Variants in SORBS2 observed in about 807,000 individuals in gnomAD.
SORBS2 encodes the protein sorbin and SH3 domain containing 2, also known as sorbin and SH3 domain-containing protein 2.
In SORBS2, 46 loss-of-function variants were observed where a neutral mutation model predicts 97.7. The ratio of observed to expected loss-of-function variants is 0.47; its 90% confidence interval spans 0.37 to 0.60. The LOEUF (loss-of-function observed/expected upper bound fraction) is 0.60. Ranked by LOEUF, SORBS2 falls within the 20% of genes least tolerant of loss-of-function variation. The pLI, the probability that SORBS2 is intolerant of heterozygous loss-of-function variation, is 0.00. For synonymous variants in SORBS2, 476 were observed against 473.4 expected (o/e 1.01, Z -0.07); for missense variants, 1,316 against 1,282.3 (o/e 1.03, Z -0.40).
intron 1 of SORBS2, among the ~76,000 whole-genome samples, chr4:185,802,035 G>T (rs1028078692): frequency 3.9e-5 from 6 of 152,126 alleles, no homozygotes; most frequent in Admixed American, 1.3e-4. Context: ...ATCCCACCTT[G>T]TTCGAGCCCC....
intron 1 of SORBS2, among the ~76,000 whole-genome samples, chr4:185,827,915 CAT>C: frequency 6.7e-6 from 1 of 148,984 alleles, no homozygotes. Flanking sequence ...ATACCATCAT[CAT>C]CATCATCACC....
chr4:185,745,884 T>A (rs10019017), intron 2 of SORBS2, among the ~76,000 whole-genome samples: 10,446 of 152,236 alleles, frequency 0.069, 1,200 homozygotes, highest in African/African-American at 0.24. Flanking sequence ...CTCTGAAAAG[T>A]GAGGCAGCCT....
At chr4:185,766,587 A>C (rs1013853584) in intron 2 of SORBS2, among the ~76,000 whole-genome samples, 1 of 152,220 alleles carries the variant, frequency 6.6e-6, no homozygotes, top group Non-Finnish European at 1.5e-5. Context: ...TTGAAAATTA[A>C]CAATTTGTTC....
chr4:185,895,581 G>A (rs78796505), intron 1 of SORBS2, among the ~76,000 whole-genome samples: 4,121 of 152,268 alleles, frequency 0.027, 149 homozygotes, highest in East Asian at 0.15. Context: ...CGGGTGCACC[G>A]GGCCCAGTGC....
At chr4:185,868,147 C>CTTTCTTTCTTTT (rs1288748201) in intron 1 of SORBS2, among the ~76,000 whole-genome samples, 2,919 of 88,762 alleles carry the variant, frequency 0.033, 396 homozygotes, top group East Asian at 0.053. Flanking sequence ...CTTTTCTTTT[C>CTTTCTTTCTTTT]TTTTTTTCTT....
At chr4:185,669,528 G>A (rs1273348856) in intron 4 of SORBS2, among the ~76,000 whole-genome samples, 1 of 152,180 alleles carries the variant, frequency 6.6e-6, no homozygotes. Context: ...TAGCTGTGGA[G>A]CGGGGATGTG....
chr4:185,837,576 C>T (rs2099208816), intron 1 of SORBS2, among the ~76,000 whole-genome samples: 1 of 152,138 alleles, frequency 6.6e-6, no homozygotes, highest in South Asian at 2.1e-4. Context: ...GGCTTTTGTT[C>T]TAACTGAATA....
At chr4:185,812,326 T>C (rs755836840) in intron 1 of SORBS2, 132 bp from the exon 1 acceptor site, 1 of 152,254 alleles carries the variant, frequency 6.6e-6, no homozygotes, top group Non-Finnish European at 1.5e-5. Context: ...GCTGATCATG[T>C]GCAGCACACT....
chr4:185,753,135 G>A (rs1388196173), intron 2 of SORBS2, among the ~76,000 whole-genome samples: 1 of 152,252 alleles, frequency 6.6e-6, no homozygotes, highest in Non-Finnish European at 1.5e-5. Flanking sequence ...TGCATTCAGT[G>A]CAGCTGCTGA....
intron 2 of SORBS2, among the ~76,000 whole-genome samples, chr4:185,768,140 G>A (rs1584472641): frequency 1.3e-5 from 2 of 152,150 alleles, no homozygotes; most frequent in South Asian, 4.1e-4. Flanking sequence ...TTCTTTTGCA[G>A]AGTGTTATAT....
In SORBS2 at chr4:185,607,299, G is replaced by A. The variant is rs761188474; in HGVS notation, c.2796+4481C>T. On this transcript the variant is annotated intron_variant, in intron 12 of 14. Coordinates refer to ENST00000418609, the Ensembl canonical transcript of SORBS2. The surrounding 1 kb of genome is among the most constrained non-coding windows in gnomAD (Gnocchi z 5.2). ...TTCCCTGGAGAGCTCCTTTATCTGAGCCAGGTGAGACTTTGTGGGTGGGAG... is the reference window on the plus strand; with the variant it reads ...TTCCCTGGAGAGCTCCTTTATCTGAACCAGGTGAGACTTTGTGGGTGGGAG... The A allele has an allele frequency of 3.1e-5, 40 of 1,285,462 alleles. No homozygotes were observed. Among genetic ancestry groups the A allele is most frequent in the South Asian group, 3.0e-4 (24 of 80,756 alleles). The allele number at this position is 1,285,462 out of a possible 1,614,324, so 79.6% of individuals were successfully genotyped here. A position where few individuals can be genotyped will look rare whatever the true frequency, so the allele number is the denominator to read the frequency against.
intron 2 of SORBS2, among the ~76,000 whole-genome samples, chr4:185,737,879 A>G (rs2098697974): frequency 6.6e-6 from 1 of 152,194 alleles, no homozygotes; most frequent in East Asian, 1.9e-4. Context: ...CCGCTCAGCT[A>G]CAGAAACACA....
intron 2 of SORBS2, chr4:185,774,169 G>A (rs573421548): frequency 3.3e-5 from 5 of 152,286 alleles, no homozygotes; most frequent in African/African-American, 7.2e-5. Context: ...CAAGGCACAC[G>A]GAGATTCTGA....
At chr4:185,688,511 T>C (rs1171655020) in intron 2 of SORBS2, among the ~76,000 whole-genome samples, 1 of 151,998 alleles carries the variant, frequency 6.6e-6, no homozygotes, top group Non-Finnish European at 1.5e-5. Context: ...GATAAATAGA[T>C]AGATAGATAG....
intron 3 of SORBS2, 118 bp from the exon 7 acceptor site, chr4:185,678,665 T>C: frequency 7.9e-7 from 1 of 1,262,066 alleles, no homozygotes. Context: ...GTGTTCTTAC[T>C]AGAGGTTTAA....
At chr4:185,601,904 T>A (rs2096270549) in intron 12 of SORBS2, among the ~76,000 whole-genome samples, 1 of 152,212 alleles carries the variant, frequency 6.6e-6, no homozygotes, top group Non-Finnish European at 1.5e-5. Context: ...AAAGAGCCTC[T>A]CACTCTCCTC....
intron 4 of SORBS2, among the ~76,000 whole-genome samples, chr4:185,641,455 A>G (rs1008482929): frequency 2.0e-5 from 3 of 152,198 alleles, no homozygotes; most frequent in Non-Finnish European, 4.4e-5. Flanking sequence ...CAATAATTAA[A>G]TGTCCTATGG....
chr4:185,592,641 G>A (rs2095978359), intron 13 of SORBS2: 1 of 153,178 alleles, frequency 6.5e-6, no homozygotes, highest in Non-Finnish European at 1.5e-5. Flanking sequence ...TTGTAGCCTT[G>A]ATCTCCCTGG....
At chr4:185,922,528 T>C (rs1231662198) in intron 1 of SORBS2, among the ~76,000 whole-genome samples, 1 of 152,248 alleles carries the variant, frequency 6.6e-6, no homozygotes, top group Non-Finnish European at 1.5e-5. Context: ...TTCTCATTTC[T>C]TCTGGAACGC....
Sources: gnomAD v4.1 joint callset for allele counts (sites outside exome capture counted in the v4.1 genomes callset) on GRCh38, gnomAD v4.1.1 for gene constraint, Gnocchi (gnomAD v3.1) non-coding constraint, MANE v1.5 for transcripts, NCBI Gene and HGNC (gene_info 2026-07-23, HGNC 2026-07-21) for gene names.